The following GRIN2C variants were observed in gnomAD, a reference collection of about 807,000 sequenced individuals.
The protein encoded by GRIN2C is glutamate receptor ionotropic, NMDA 2C.
Under a neutral mutation model 77.7 loss-of-function variants are expected in GRIN2C, and 64 were observed. The ratio of observed to expected loss-of-function variants is 0.82; its 90% CI spans 0.67 to 1.01. The LOEUF (loss-of-function observed/expected upper bound fraction) is 1.01. Ranked by LOEUF, GRIN2C falls within the 50% of genes least tolerant of loss-of-function variation. The pLI is 0.00. For synonymous variants in GRIN2C, 792 were observed against 643.4 expected, an observed-to-expected ratio of 1.23 and a Z score of -3.49; for missense variants, 1,549 against 1,486.0, an observed-to-expected ratio of 1.04 and a Z score of -0.70.
rs760639892 is a variant in GRIN2C, at chr17:74,852,221, C to A, written c.790G>T (p.Ala264Ser). 2 of 1,442,084 alleles carry A rather than the reference C, an allele frequency of 1.4e-6. No homozygotes were observed. The highest frequency in any genetic ancestry group is 1.5e-5 in the African/African-American group (1 of 67,402). 89.3% of individuals were successfully genotyped at this position (1,442,084 alleles called of 1,614,324 possible). ...CCCACGGGGAAGGTGGCGGGGGGCG[C>A]ATCGGTGCTGCCCAGCGCCAGGTTG... ...VPNLALGSTD[A>S]PPATFPVGLI... The change falls in exon 3 of 13, where the codon GCG becomes TCG. Residue 264 changes from alanine (A) to serine (S), a missense_variant. Around this residue, in one of 3 missense-constraint regions of GRIN2C, gnomAD observed 717 missense variants for 858.1 expected, o/e 0.84. Coordinates refer to ENST00000293190, the MANE Select transcript of GRIN2C (RefSeq NM_000835.6).
intron 12 of GRIN2C, 31 bp downstream of exon 12, chr17:74,844,245 T>G (rs2037388559): frequency 6.2e-7 from 1 of 1,611,126 alleles, no homozygotes; most frequent in Non-Finnish European, 8.5e-7. Context: ...CCTTAAAACT[T>G]TGGCCTGTGT....
In GRIN2C at chr17:74,852,497, G is replaced by A; in HGVS notation, c.514C>T (p.His172Tyr). The change falls in exon 3 of 13, where the codon CAC becomes TAC. Residue 172 changes from histidine (H) to tyrosine (Y), a missense_variant. Physicochemically the swap from His to Tyr is moderately conservative, Grantham distance 83. Coordinates refer to ENST00000293190, the MANE Select transcript of GRIN2C (RefSeq NM_000835.6). ...WSAFAVITSL[H>Y]PGHALFLEGV... The stretch of plus-strand genomic sequence containing the variant: ...TCCAGGAAGAGCGCGTGGCCCGGGT[G>A]CAGGCTGGTGATGACGGCGAAGGCG... 1 of 1,568,912 alleles carries A rather than the reference G, an allele frequency of 6.4e-7. No homozygotes were observed. The highest frequency in any genetic ancestry group is 8.6e-7 in the Non-Finnish European group (1 of 1,166,254).
chr17:74,855,733 A>G (rs2037802140), intron 1 of GRIN2C, among the ~76,000 whole-genome samples: 1 of 150,284 alleles, frequency 6.7e-6, no homozygotes. Flanking sequence ...TCTAAACCGG[A>G]TCTTCCATCT....
At chr17:74,858,258 C>T (rs2037867159) in intron 1 of GRIN2C, among the ~76,000 whole-genome samples, 1 of 151,440 alleles carries the variant, frequency 6.6e-6, no homozygotes, top group South Asian at 2.1e-4. Flanking sequence ...AAAATGTTCT[C>T]ATTCCCACTC....
intron 12 of GRIN2C, 25 bp from the exon 13 acceptor site, chr17:74,843,578 C>G: frequency 6.5e-7 from 1 of 1,529,540 alleles, no homozygotes; most frequent in South Asian, 1.2e-5. Context: ...GACGACAGGC[C>G]GTAAGCAGCG....
rs765016248 is a variant in GRIN2C, at chr17:74,843,525, T to C, written c.2612A>G (p.Gln871Arg). The change falls in exon 13 of 13, where the codon CAG (glutamine) becomes CGG (arginine). Residue 871 changes from glutamine to arginine, a missense_variant. Physicochemically the swap from Gln to Arg is conservative, Grantham distance 43 (BLOSUM62 1). Transcript: ENST00000293190. ...CTGCCGCGGTGGGCTGGCGAGGCTC[T>C]GCACCCCGCTGAAGCAGCTGTAGAT... ...RGIYSCFSGV[Q>R]SLASPPRQAS... is the part of the protein sequence containing the mutation. 7.6e-5 allele frequency: 116 copies of C among 1,533,082 alleles called. No individual in the cohort carries two copies. The highest frequency in any genetic ancestry group is 1.8e-4 in the South Asian group (15 of 83,946). 95.0% of individuals were successfully genotyped at this position (1,533,082 alleles called of 1,614,324 possible). A position where few individuals can be genotyped will look rare whatever the true frequency, so the allele number is the denominator to read the frequency against.
At chr17:74,857,991 T>A (rs2037860614) in intron 1 of GRIN2C, among the ~76,000 whole-genome samples, 1 of 152,164 alleles carries the variant, frequency 6.6e-6, no homozygotes, top group Non-Finnish European at 1.5e-5. Flanking sequence ...TACTAGAAAA[T>A]TTTAAATTGT....
rs7207247 is a variant in GRIN2C at position 74,849,182 on chromosome 17, G to A, written c.1645+598C>T. On this transcript the variant is annotated intron_variant, in intron 7 of 12. Coordinates refer to ENST00000293190, the MANE Select transcript of GRIN2C (RefSeq NM_000835.6). This position sits in a 1 kb window ranked among gnomAD's most constrained non-coding sequence, Gnocchi z 4.6. ...CTCAGAGAGGTTCTGTGACTTGCCC[G>A]AGGCCACACAGCAGGACAGGGCAGA... Among the ~76,000 whole-genome samples the A allele has an allele frequency of 0.29, 44,649 of 151,476 alleles. 6,824 individuals carry two copies. Among genetic ancestry groups the A allele is most frequent in the East Asian group, 0.41 (2,104 of 5,138 alleles).
In GRIN2C at chr17:74,847,564, G is replaced by T; in HGVS notation, c.1772-27C>A. 1 of 1,503,036 alleles carries T rather than the reference G, an allele frequency of 6.7e-7. No individual in the cohort carries two copies. The highest frequency in any genetic ancestry group is 9.2e-7 in the Non-Finnish European group (1 of 1,087,044). The allele number at this position is 1,503,036 out of a possible 1,614,324, so 93.1% of individuals were successfully genotyped here. On this transcript the variant is annotated intron_variant, in intron 8 of 12. Transcript: ENST00000293190. The surrounding 1 kb of genome is among the most constrained non-coding windows in gnomAD (Gnocchi z 5.2). Reference sequence around the variant, plus strand: ...TGGGGGCAAGAGGCGGGGGGATGCTGGAGCTCCTCCTGCCCACCATGAAAG... The same window carrying T: ...TGGGGGCAAGAGGCGGGGGGATGCTTGAGCTCCTCCTGCCCACCATGAAAG...
At position 74,847,016 on chromosome 17, in the gene GRIN2C, C is replaced by A; in HGVS notation, c.2002-96G>T. 7.5e-7 allele frequency: 1 copy of A among 1,325,862 alleles called. No individual in the cohort carries two copies. The highest frequency in any genetic ancestry group is 1.0e-6 in the Non-Finnish European group (1 of 961,352). The allele number at this position is 1,325,862 out of a possible 1,614,324, so 82.1% of individuals were successfully genotyped here. A position where few individuals can be genotyped will look rare whatever the true frequency, so the allele number is the denominator to read the frequency against. On this transcript the variant is annotated intron_variant, in intron 9 of 12. Coordinates refer to ENST00000293190, the MANE Select transcript of GRIN2C (RefSeq NM_000835.6). The surrounding 1 kb of genome is among the most constrained non-coding windows in gnomAD (Gnocchi z 5.2). Reference sequence around the variant, plus strand: ...CCCCAGAGCCCAGCCCCAGTGTGGACTTGCATAGTCAGAGCAGAAGGTCTT... The same window carrying A: ...CCCCAGAGCCCAGCCCCAGTGTGGAATTGCATAGTCAGAGCAGAAGGTCTT...
At chr17:74,860,449 C>T, upstream of GRIN2C, 1 of 456,734 alleles carries the variant, frequency 2.2e-6, no homozygotes, top group Non-Finnish European at 4.4e-6. Context: ...TCTTGCTCAC[C>T]CAGCAGCTCC....
chr17:74,850,090 G>A lies in GRIN2C; in HGVS notation c.1491+116C>T, dbSNP rs773020992. The A allele has an allele frequency of 1.5e-6, 2 of 1,356,570 alleles. No individual in the cohort carries two copies. The highest frequency in any genetic ancestry group is 2.1e-6 in the Non-Finnish European group (2 of 971,500). The allele number at this position is 1,356,570 out of a possible 1,614,324, so 84.0% of individuals were successfully genotyped here. A position where few individuals can be genotyped will look rare whatever the true frequency, so the allele number is the denominator to read the frequency against. On this transcript the variant is annotated intron_variant, in intron 6 of 12. Transcript: ENST00000293190. The surrounding 1 kb of genome is among the most constrained non-coding windows in gnomAD (Gnocchi z 5.3). The stretch of plus-strand genomic sequence containing the variant: ...CAGCTTTCAGTACTGACCACCCCAG[G>A]AGTCATCATTGGTGACAGCCCATGC...
At position 74,846,946 on chromosome 17, in the gene GRIN2C, C is replaced by T; in HGVS notation, c.2002-26G>A. The T allele has an allele frequency of 1.9e-6, 3 of 1,591,144 alleles. No individual in the cohort carries two copies. Among genetic ancestry groups the T allele is most frequent in the East Asian group, 2.2e-5 (1 of 44,628 alleles). On this transcript the variant is annotated intron_variant, in intron 9 of 12. Coordinates refer to ENST00000293190, the MANE Select transcript of GRIN2C (RefSeq NM_000835.6). The surrounding 1 kb of genome is among the most constrained non-coding windows in gnomAD (Gnocchi z 4.4). ...CTGCAGGCGGAGGGCAGCAGCCAGTCACAACCCTTCCTCCAGCCTTCCAGG... is the reference window on the plus strand; with the variant it reads ...CTGCAGGCGGAGGGCAGCAGCCAGTTACAACCCTTCCTCCAGCCTTCCAGG...
chr17:74,846,323 A>C lies in GRIN2C; in HGVS notation c.2163-70T>G, dbSNP rs1013081492. The C allele has an allele frequency of 2.9e-6, 4 of 1,389,624 alleles. No homozygotes were observed. The African/African-American group carries it at 5.7e-5, about 20-fold the overall frequency. 86.1% of individuals were successfully genotyped at this position (1,389,624 alleles called of 1,614,324 possible). A position where few individuals can be genotyped will look rare whatever the true frequency, so the allele number is the denominator to read the frequency against. On this transcript the variant is annotated intron_variant, in intron 10 of 12. Coordinates refer to ENST00000293190, the MANE Select transcript of GRIN2C (RefSeq NM_000835.6). The surrounding 1 kb of genome is among the most constrained non-coding windows in gnomAD (Gnocchi z 4.4). Reference sequence around the variant, plus strand: ...GAGGGGACACCGAAACTGGGGCGTGACAGGGGTCTAAACCACATGAGCCTG... The same window carrying C: ...GAGGGGACACCGAAACTGGGGCGTGCCAGGGGTCTAAACCACATGAGCCTG...
chr17:74,854,648 T>G, intron 2 of GRIN2C, 46 bp downstream of exon 2: 1 of 1,546,408 alleles, frequency 6.5e-7, no homozygotes, highest in Non-Finnish European at 8.9e-7. Context: ...GACCCCAGCC[T>G]GGTTCCAGGC....
chr17:74,843,382 T>A lies in GRIN2C; in HGVS notation c.2755A>T (p.Thr919Ser). 6.5e-7 allele frequency: 1 copy of A among 1,532,346 alleles called. No individual in the cohort carries two copies. 94.9% of individuals were successfully genotyped at this position (1,532,346 alleles called of 1,614,324 possible). A position where few individuals can be genotyped will look rare whatever the true frequency, so the allele number is the denominator to read the frequency against. The change falls in exon 13 of 13, where the codon ACC becomes TCC. Residue 919 changes from threonine (T) to serine (S), a missense_variant. Thr to Ser is a moderately conservative substitution (Grantham distance 58, BLOSUM62 1). This residue lies in a region of GRIN2C where 450 missense variants were observed against 267.9 expected (regional missense o/e 1.68). Coordinates refer to ENST00000293190, the MANE Select transcript of GRIN2C (RefSeq NM_000835.6). The part of the protein sequence containing the change: ...VSSSLDRATR[T>S]IENWGGGRRA... The stretch of plus-strand genomic sequence containing the variant: ...CGGCCGCCACCCCAATTCTCGATGG[T>A]GCGAGTGGCGCGGTCCAGGGAGCTG...
rs979208255 is a variant in GRIN2C at position 74,843,360 on chromosome 17, C to T, written c.2777G>A (p.Gly926Asp). Residue 926 changes from glycine to aspartate, a missense_variant, in exon 13 of 13, where the codon GGC becomes GAC. Physicochemically the swap from Gly to Asp is moderately conservative, Grantham distance 94. Transcript: ENST00000293190. ...GGGGGACGGTGGGGGCGCACGGCGG[C>T]CGCCACCCCAATTCTCGATGGTGCG... Reference protein sequence around the residue: ...ATRTIENWGGGRRAPPPSPCP... With the variant: ...ATRTIENWGGDRRAPPPSPCP... The T allele has an allele frequency of 1.3e-6, 2 of 1,523,162 alleles. No homozygotes were observed. The highest frequency in any genetic ancestry group is 1.8e-6 in the Non-Finnish European group (2 of 1,138,502). 94.4% of individuals were successfully genotyped at this position (1,523,162 alleles called of 1,614,324 possible).
rs1332094759 is a variant in GRIN2C at position 74,849,815 on chromosome 17, C to G, written c.1610G>C (p.Arg537Pro). Reference sequence around the variant, plus strand: ...CGAGGGGGAGACGGTGCCATTGCTGCGAGCCACCATCACACTGATGCCCGT... The same window carrying G: ...CGAGGGGGAGACGGTGCCATTGCTGGGAGCCACCATCACACTGATGCCCGT... The part of the protein sequence containing the change: ...VETGISVMVA[R>P]SNGTVSPSAF... Residue 537 changes from arginine to proline, a missense_variant, in exon 7 of 13, where the codon CGC becomes CCC. Arg to Pro is a moderately radical substitution (Grantham distance 103). Coordinates refer to ENST00000293190, the MANE Select transcript of GRIN2C (RefSeq NM_000835.6). The surrounding 1 kb of genome is among the most constrained non-coding windows in gnomAD (Gnocchi z 4.6). The G allele has an allele frequency of 6.2e-7, 1 of 1,612,982 alleles. No homozygotes were observed. The highest frequency in any genetic ancestry group is 8.5e-7 in the Non-Finnish European group (1 of 1,179,666).
Position 74,842,972 on chromosome 17 carries a change from G to A in GRIN2C, c.3165C>T (p.Leu1055=). The change falls in exon 13 of 13, where the codon CTC becomes CTT. Residue 1055 remains leucine (L), a synonymous_variant. Coordinates refer to ENST00000293190, the MANE Select transcript of GRIN2C (RefSeq NM_000835.6). The part of the protein sequence containing the change: ...LFPELEDLPL[L]GPEQLARREA... Reference sequence around the variant, plus strand: ...CCCGCCGGGCCAGCTGCTCCGGACCGAGCAGCGGCAGGTCCTCCAGCTCCG... The same window carrying A: ...CCCGCCGGGCCAGCTGCTCCGGACCAAGCAGCGGCAGGTCCTCCAGCTCCG... 1 of 517,936 alleles carries A rather than the reference G, an allele frequency of 1.9e-6. No individual in the cohort carries two copies. Among genetic ancestry groups the A allele is most frequent in the South Asian group, 2.4e-5 (1 of 40,898 alleles). 32.1% of individuals were successfully genotyped at this position (517,936 alleles called of 1,614,324 possible). A position where few individuals can be genotyped will look rare whatever the true frequency, so the allele number is the denominator to read the frequency against.
Sources: allele counts gnomAD v4.1 joint callset (sites outside exome capture counted in the v4.1 genomes callset), GRCh38; gene constraint gnomAD v4.1.1; regional missense constraint gnomAD v4.1.1; non-coding constraint Gnocchi (gnomAD v3.1); transcripts MANE v1.5; gene names NCBI Gene and HGNC (gene_info 2026-07-23, HGNC 2026-07-21).